The following RAPH1 variants were observed in gnomAD, a reference collection of about 807,000 sequenced individuals.
RAPH1 encodes the protein ras-associated and pleckstrin homology domains-containing protein 1.
A neutral mutation model predicts 88.1 loss-of-function variants in RAPH1; 18 were observed. The observed-to-expected ratio is 0.20, with a 90% CI of 0.14 to 0.30. The LOEUF is 0.30. Ranked by LOEUF, RAPH1 falls within the 10% of genes least tolerant of loss-of-function variation. RAPH1 has a pLI of 1.00. For synonymous variants in RAPH1, 587 were observed against 559.0 expected (o/e 1.05, Z -0.71); for missense variants, 1,448 against 1,543.2 (o/e 0.94, Z 1.03).
intron 1 of RAPH1, among the ~76,000 whole-genome samples, chr2:203,534,168 G>A (rs1690508460): frequency 6.6e-6 from 1 of 152,092 alleles, no homozygotes; most frequent in Admixed American, 6.6e-5. Context: ...ACCTACATAA[G>A]CAGCTCTCCA....
At chr2:203,485,101 T>A (rs1233706556) in intron 4 of RAPH1, among the ~76,000 whole-genome samples, 1 of 152,114 alleles carries the variant, frequency 6.6e-6, no homozygotes, top group African/African-American at 2.4e-5. Flanking sequence ...TTCATGCTCA[T>A]TTATAAGAGT....
chr2:203,467,152 A>C (rs1483754992), intron 4 of RAPH1, among the ~76,000 whole-genome samples: 1 of 152,252 alleles, frequency 6.6e-6, no homozygotes, highest in African/African-American at 2.4e-5. Flanking sequence ...ATTAACAACT[A>C]TAGCTGATCC....
At chr2:203,492,177 T>C (rs1688296901) in intron 2 of RAPH1, among the ~76,000 whole-genome samples, 2 of 147,442 alleles carry the variant, frequency 1.4e-5, no homozygotes, top group Admixed American at 1.4e-4. Context: ...GAGGTTGCAG[T>C]GAGCCGAGAT....
chr2:203,512,803 T>G (rs898533719), intron 1 of RAPH1, among the ~76,000 whole-genome samples: 2 of 151,946 alleles, frequency 1.3e-5, no homozygotes, highest in African/African-American at 4.8e-5. Context: ...TTTTGTTATT[T>G]TTTAGTAGAG....
rs3832085 is a variant in RAPH1 at position 203,444,691 on chromosome 2, C to CA, written c.1776+176dup. 8.3e-5 allele frequency: 39 copies of CA among 467,890 alleles called. No homozygotes were observed. In the East Asian group the frequency reaches 1.3e-3, roughly 15 times the overall value. The allele number at this position is 467,890 out of a possible 1,614,324, so 29.0% of individuals were successfully genotyped here. A position where few individuals can be genotyped will look rare whatever the true frequency, so the allele number is the denominator to read the frequency against. On this transcript the variant is annotated intron_variant, in intron 13 of 13. Transcript: ENST00000319170. ...AAAATACTCATTTCCAAGGGGAAGT[C>CA]AAATCAACAGGTCTCTCTGAACTGT... is the stretch of plus-strand genomic sequence containing the variant.
At chr2:203,515,184 GCTA>G (rs67805327) in intron 1 of RAPH1, among the ~76,000 whole-genome samples, 10,685 of 152,100 alleles carry the variant, frequency 0.07, 594 homozygotes, top group African/African-American at 0.16. Flanking sequence ...TATTTTATAG[GCTA>G]CTTATAATTA....
Position 203,489,625 on chromosome 2 carries a change from G to C in RAPH1, c.691C>G (p.Gln231Glu), listed in dbSNP as rs371195312. 1.9e-5 allele frequency: 30 copies of C among 1,608,928 alleles called. No individual in the cohort carries two copies. The African/African-American group carries it at 3.6e-4, about 19-fold the overall frequency. The change falls in exon 4 of 14, where the codon CAA (glutamine) becomes GAA (glutamate). Residue 231 changes from glutamine to glutamate, a missense_variant. Coordinates refer to ENST00000319170, the MANE Select transcript of RAPH1 (RefSeq NM_213589.3). Reference protein sequence around the residue: ...SLDIDKVTRPQELDLTHQGQP... With the variant: ...SLDIDKVTRPEELDLTHQGQP... ...CCTTGATGTGTCAAATCCAGCTCTT[G>C]AGGGCGTGTTACTTTATCAATATCC...
chr2:203,534,180 A>C (rs543538839), intron 1 of RAPH1, among the ~76,000 whole-genome samples: 1 of 152,280 alleles, frequency 6.6e-6, no homozygotes, highest in African/African-American at 2.4e-5. Context: ...AGCTCTCCAC[A>C]TTTCCCTGAG....
intron 4 of RAPH1, among the ~76,000 whole-genome samples, chr2:203,466,736 ACAAT>A (rs2098528771): frequency 6.6e-6 from 1 of 152,236 alleles, no homozygotes; most frequent in African/African-American, 2.4e-5. Flanking sequence ...AGAGCAAGAG[ACAAT>A]CTATTTTCTA....
At chr2:203,468,233 TAC>T (rs1349341579) in intron 4 of RAPH1, among the ~76,000 whole-genome samples, 4 of 152,218 alleles carry the variant, frequency 2.6e-5, no homozygotes, top group Non-Finnish European at 5.9e-5. Context: ...GGTTTCCAGC[TAC>T]AGTTAGAGAA....
rs1302640275 is a variant in RAPH1, at chr2:203,439,995, A to C, written c.3195T>G (p.Pro1065=). The C allele has an allele frequency of 1.9e-6, 3 of 1,613,544 alleles. No homozygotes were observed. Among genetic ancestry groups the C allele is most frequent in the African/African-American group, 1.3e-5 (1 of 74,850 alleles). The change falls in exon 14 of 14, where the codon CCT becomes CCG. Residue 1065 remains proline (P), a synonymous_variant. Transcript: ENST00000319170. ...GRGKDSVVEF[P]SPPSDSDFPP... ...GAAAATCAGAATCGGATGGAGGAGA[A>C]GGAAATTCCACCACGGAGTCCTTTC...
In RAPH1 at chr2:203,434,142, A is replaced by G. The variant is rs2098496294; in HGVS notation, c.*5295T>C. On this transcript the variant is annotated 3_prime_UTR_variant, in exon 14 of 14. Coordinates refer to ENST00000319170, the MANE Select transcript of RAPH1 (RefSeq NM_213589.3). ...TGAGCATACATTTATGCAGAAGAAA[A>G]TAATAGCAACAAAGCTGCGAGAAAA... The G allele has an allele frequency of 6.6e-6, 1 of 152,486 alleles. No individual in the cohort carries two copies. The highest frequency in any genetic ancestry group is 2.4e-5 in the African/African-American group (1 of 41,398). The allele number at this position is 152,486 out of a possible 1,614,324, so 9.4% of individuals were successfully genotyped here. A position where few individuals can be genotyped will look rare whatever the true frequency, so the allele number is the denominator to read the frequency against.
At chr2:203,441,831 C>T in intron 13 of RAPH1, 1 of 1,327,312 alleles carries the variant, frequency 7.5e-7, no homozygotes, top group Non-Finnish European at 9.6e-7. Context: ...ACCTTTCAGT[C>T]CATGACTGCA....
chr2:203,466,806 T>C (rs1251948227), intron 4 of RAPH1, among the ~76,000 whole-genome samples: 1 of 152,196 alleles, frequency 6.6e-6, no homozygotes, highest in African/African-American at 2.4e-5. Context: ...TCCTCAAATT[T>C]ACGTAAAGAC....
intron 2 of RAPH1, among the ~76,000 whole-genome samples, chr2:203,494,673 G>A (rs548666768): frequency 1.7e-4 from 26 of 152,010 alleles, no homozygotes; most frequent in Non-Finnish European, 3.2e-4. Flanking sequence ...GCCGGGCGTG[G>A]TGGCGGGCGC....
At chr2:203,505,204 G>A (rs1442904889) in intron 1 of RAPH1, among the ~76,000 whole-genome samples, 2 of 152,160 alleles carry the variant, frequency 1.3e-5, no homozygotes, top group Non-Finnish European at 2.9e-5. Flanking sequence ...TCAGGCTGCT[G>A]ATGAAGACAA....
At chr2:203,447,414 G>C (rs2098510965) in intron 12 of RAPH1, 1 of 152,160 alleles carries the variant, frequency 6.6e-6, no homozygotes, top group African/African-American at 2.4e-5. Flanking sequence ...AGATGAAATA[G>C]AGTCATGCAG....
chr2:203,529,002 T>TAG (rs1690258046), intron 1 of RAPH1, among the ~76,000 whole-genome samples: 1 of 76,962 alleles, frequency 1.3e-5, no homozygotes, highest in African/African-American at 6.3e-5. Context: ...TATATATATA[T>TAG]ATATTTTTTT....
At position 203,440,195 on chromosome 2, in the gene RAPH1, T is replaced by C; in HGVS notation, c.2995A>G (p.Ser999Gly). ...GGCGGTGTAAACTTGCTGACTAGAC[T>C]GTCCACCGAGGGTCTCTTGGGCTCG... is the stretch of plus-strand genomic sequence containing the variant. ...HPEPKRPSVDSLVSKFTPPAE... is the reference protein window; with the variant it reads ...HPEPKRPSVDGLVSKFTPPAE... The change falls in exon 14 of 14, where the codon AGT (serine) becomes GGT (glycine). Residue 999 changes from serine (S) to glycine (G), a missense_variant. By Grantham distance (56) the Ser-to-Gly change is moderately conservative. Coordinates refer to ENST00000319170, the MANE Select transcript of RAPH1 (RefSeq NM_213589.3). 1 of 1,613,890 alleles carries C rather than the reference T, an allele frequency of 6.2e-7. No homozygotes were observed. The highest frequency in any genetic ancestry group is 8.5e-7 in the Non-Finnish European group (1 of 1,179,986).
Sources: allele counts gnomAD v4.1 joint callset (sites outside exome capture counted in the v4.1 genomes callset), GRCh38; gene constraint gnomAD v4.1.1; transcripts MANE v1.5; gene names NCBI Gene and HGNC (gene_info 2026-07-23, HGNC 2026-07-21).